PDS5B: variants seen among roughly 807,000 people sequenced by gnomAD.
The protein encoded by PDS5B is PDS5 cohesin associated factor B.
In PDS5B, 51 loss-of-function variants were observed where a neutral mutation model predicts 184.1. The ratio of observed to expected loss-of-function variants is 0.28; its 90% CI spans 0.22 to 0.35. The LOEUF is 0.35. Ranked by LOEUF, PDS5B falls within the 10% of genes least tolerant of loss-of-function variation. The probability of loss-of-function intolerance (pLI) is 1.00; values close to 1 mark genes in which losing one functional copy is unlikely to be tolerated. For synonymous variants in PDS5B, 566 were observed against 569.2 expected, an observed-to-expected ratio of 0.99 and a Z score of 0.08; for missense variants, 1,180 against 1,723.3, an observed-to-expected ratio of 0.68 and a Z score of 5.58.
chr13:32,590,888 C>G (rs2057763472), intron 1 of PDS5B, among the ~76,000 whole-genome samples: 1 of 150,926 alleles, frequency 6.6e-6, no homozygotes, highest in Non-Finnish European at 1.5e-5. Flanking sequence ...AGTTGCAGGC[C>G]TTAAGTACTC....
intron 1 of PDS5B, among the ~76,000 whole-genome samples, chr13:32,623,429 A>G (rs149637442): frequency 7.2e-5 from 11 of 152,174 alleles, no homozygotes; most frequent in African/African-American, 2.7e-4. Context: ...CGTTATACAA[A>G]GTCGGTTTTA....
chr13:32,717,562 G>A (rs1245551751), intron 19 of PDS5B, among the ~76,000 whole-genome samples: 7 of 135,586 alleles, frequency 5.2e-5, no homozygotes, highest in African/African-American at 8.3e-5. Flanking sequence ...GCGGAAGGCC[G>A]CAGGGTCCTC....
At chr13:32,747,341 T>G (rs372134873) in intron 24 of PDS5B, among the ~76,000 whole-genome samples, 1 of 152,176 alleles carries the variant, frequency 6.6e-6, no homozygotes, top group Non-Finnish European at 1.5e-5. Context: ...TTTATTCTAG[T>G]ACATATTTTT....
At chr13:32,597,621 G>T (rs1032845708) in intron 1 of PDS5B, among the ~76,000 whole-genome samples, 7 of 151,814 alleles carry the variant, frequency 4.6e-5, no homozygotes, top group African/African-American at 1.7e-4. Context: ...CAGGGGGTGC[G>T]GGGGTTGCAA....
chr13:32,692,410 A>T (rs1435396201), intron 13 of PDS5B, among the ~76,000 whole-genome samples: 1 of 86,944 alleles, frequency 1.2e-5, no homozygotes, highest in African/African-American at 3.5e-5. Flanking sequence ...TTGCGTCCAA[A>T]AAGCCTTTTT....
intron 18 of PDS5B, among the ~76,000 whole-genome samples, chr13:32,707,934 A>G (rs960631683): frequency 2.0e-5 from 3 of 152,090 alleles, no homozygotes; most frequent in African/African-American, 7.2e-5. Context: ...CAAGGGCGAG[A>G]TAGAAGCAGC....
At chr13:32,677,312 G>C (rs1004987144) in intron 9 of PDS5B, among the ~76,000 whole-genome samples, 4 of 151,840 alleles carry the variant, frequency 2.6e-5, no homozygotes, top group Non-Finnish European at 5.9e-5. Flanking sequence ...TACTTTTACT[G>C]TATATATATT....
At chr13:32,681,637 G>C (rs1951248836) in intron 10 of PDS5B, among the ~76,000 whole-genome samples, 1 of 135,298 alleles carries the variant, frequency 7.4e-6, no homozygotes, top group African/African-American at 2.7e-5. Context: ...AAAAAAAAAA[G>C]TGAGGCTTTG....
chr13:32,704,472 G>C (rs1951949948), intron 17 of PDS5B, among the ~76,000 whole-genome samples: 4 of 152,178 alleles, frequency 2.6e-5, no homozygotes, highest in Admixed American at 2.0e-4. Flanking sequence ...CCCCGGCCTT[G>C]ACCCAGTCCT....
At chr13:32,643,560 G>A (rs114625053) in intron 1 of PDS5B, among the ~76,000 whole-genome samples, 314 of 151,844 alleles carry the variant, frequency 2.1e-3, no homozygotes, top group African/African-American at 7.3e-3. Context: ...TGTCAGTGAT[G>A]GACTGCATAT....
At chr13:32,624,843 T>G (rs747527003) in intron 1 of PDS5B, among the ~76,000 whole-genome samples, 8 of 152,176 alleles carry the variant, frequency 5.3e-5, no homozygotes, top group Non-Finnish European at 8.8e-5. Flanking sequence ...AATATGCACA[T>G]TTGCCCTTTT....
At chr13:32,615,586 GA>G (rs1198240840) in intron 1 of PDS5B, among the ~76,000 whole-genome samples, 1 of 152,122 alleles carries the variant, frequency 6.6e-6, no homozygotes. Context: ...AATGAGTGAA[GA>G]GAAAGTCTGT....
intron 1 of PDS5B, among the ~76,000 whole-genome samples, chr13:32,634,293 C>T (rs190010154): frequency 3.3e-5 from 5 of 152,288 alleles, no homozygotes; most frequent in Admixed American, 3.3e-4. Context: ...ATTAACTGGT[C>T]CCAATTTCTT....
intron 7 of PDS5B, among the ~76,000 whole-genome samples, chr13:32,670,298 C>T (rs1429000986): frequency 6.6e-6 from 1 of 152,158 alleles, no homozygotes; most frequent in Non-Finnish European, 1.5e-5. Flanking sequence ...TACACTGCAA[C>T]CTCTGCCTCT....
chr13:32,719,198 G>A (rs1229879260), intron 19 of PDS5B, among the ~76,000 whole-genome samples: 1 of 152,070 alleles, frequency 6.6e-6, no homozygotes, highest in Non-Finnish European at 1.5e-5. Flanking sequence ...TTATTATTTT[G>A]TTGAGATAGG....
chr13:32,621,100 GA>G (rs2058294867), intron 1 of PDS5B, among the ~76,000 whole-genome samples: 1 of 152,214 alleles, frequency 6.6e-6, no homozygotes, highest in African/African-American at 2.4e-5. Flanking sequence ...ATACATTGCT[GA>G]AGTTATCTGG....
intron 7 of PDS5B, among the ~76,000 whole-genome samples, chr13:32,670,596 A>T (rs1950911379): frequency 6.6e-6 from 1 of 152,164 alleles, no homozygotes. Flanking sequence ...GTACATATAT[A>T]TTTGTTTAAA....
At chr13:32,640,652 G>C (rs1481100971) in intron 1 of PDS5B, among the ~76,000 whole-genome samples, 1 of 152,088 alleles carries the variant, frequency 6.6e-6, no homozygotes, top group Non-Finnish European at 1.5e-5. Flanking sequence ...TTCTGAAAAT[G>C]CTTGTTTCAA....
chr13:32,689,877 T>C (rs934415291), intron 13 of PDS5B: 1 of 152,162 alleles, frequency 6.6e-6, no homozygotes, highest in Non-Finnish European at 1.5e-5. Context: ...ATATGGTATT[T>C]ATATCATATT....
Sources: gnomAD v4.1 joint callset for allele counts (sites outside exome capture counted in the v4.1 genomes callset) on GRCh38, gnomAD v4.1.1 for gene constraint, MANE v1.5 for transcripts, NCBI Gene and HGNC (gene_info 2026-07-23, HGNC 2026-07-21) for gene names.